The following PLPP7 variants were observed in gnomAD, a reference collection of about 807,000 sequenced individuals.
PLPP7 encodes the protein inactive phospholipid phosphatase 7.
Under a neutral mutation model 16.9 loss-of-function variants are expected in PLPP7, and 11 were observed. The ratio of observed to expected loss-of-function variants is 0.65; its 90% CI spans 0.41 to 1.08. The LOEUF (loss-of-function observed/expected upper bound fraction) is 1.08, where lower values mean the gene tolerates loss of function less well. PLPP7 is among the 50% of genes least tolerant of loss of function. The pLI is 0.00. For synonymous variants in PLPP7, 174 were observed against 175.1 expected, an observed-to-expected ratio of 0.99 and a Z score of 0.05; for missense variants, 358 against 397.1, an observed-to-expected ratio of 0.90 and a Z score of 0.84.
Position 131,292,386 on chromosome 9 carries a change from C to T in PLPP7, c.451+1938C>T, listed in dbSNP as rs113904630. On this transcript the variant is annotated intron_variant, in intron 1 of 1. Coordinates refer to ENST00000372264, the MANE Select transcript of PLPP7 (RefSeq NM_032728.4). ...AAGATGTCATTGGTTGAGTGCTTAC[C>T]GTGTTCCAGGGCTTTGCATAAACCA... is the stretch of plus-strand genomic sequence containing the variant. 2.1e-3 allele frequency among the ~76,000 whole-genome samples: 315 copies of T among 152,280 alleles called. 1 individual carries two copies. The highest frequency in any genetic ancestry group is 7.0e-3 in the African/African-American group (291 of 41,556).
chr9:131,306,523 C>T (rs901651023), intron 1 of PLPP7, among the ~76,000 whole-genome samples: 9 of 151,442 alleles, frequency 5.9e-5, no homozygotes, highest in Non-Finnish European at 1.2e-4. Flanking sequence ...GGCAACAGAA[C>T]GAGACTCCAT....
chr9:131,301,644 C>T (rs1224181917), intron 1 of PLPP7, among the ~76,000 whole-genome samples: 2 of 152,278 alleles, frequency 1.3e-5, no homozygotes, highest in East Asian at 3.9e-4. Context: ...AGGACCAGAG[C>T]CTCCCACAGC....
Position 131,308,360 on chromosome 9 carries a change from G to T in PLPP7, c.*73G>T. ...AGAAGGGGCAGGGGGTGGCGAGGTG[G>T]CGGGCGTGGGTGGAACAGAGCGGCC... On this transcript the variant is annotated 3_prime_UTR_variant, in exon 2 of 2. Transcript: ENST00000372264. The T allele has an allele frequency of 2.7e-6, 4 of 1,482,554 alleles. No individual in the cohort carries two copies. The highest frequency in any genetic ancestry group is 2.7e-6 in the Non-Finnish European group (3 of 1,117,878). The allele number at this position is 1,482,554 out of a possible 1,614,324, so 91.8% of individuals were successfully genotyped here.
In PLPP7 at chr9:131,295,063, T is replaced by C. The variant is rs1405558051; in HGVS notation, c.451+4615T>C. ...CCGGGAGGCGGAGCTTGCAGTGAGCTGAGATCGCACCACTGCACTCCAGCC... is the reference window on the plus strand; with the variant it reads ...CCGGGAGGCGGAGCTTGCAGTGAGCCGAGATCGCACCACTGCACTCCAGCC... On this transcript the variant is annotated intron_variant, in intron 1 of 1. Transcript: ENST00000372264. The surrounding 1 kb of genome is among the most constrained non-coding windows in gnomAD (Gnocchi z 4.0). Among the ~76,000 whole-genome samples the C allele has an allele frequency of 2.7e-5, 4 of 150,314 alleles. No homozygotes were observed. The highest frequency in any genetic ancestry group is 6.6e-5 in the Admixed American group (1 of 15,180).
chr9:131,304,188 T>G (rs1004129606), intron 1 of PLPP7, among the ~76,000 whole-genome samples: 3 of 152,108 alleles, frequency 2.0e-5, no homozygotes, highest in Non-Finnish European at 2.9e-5. Flanking sequence ...ATTGGCGGTC[T>G]GGGTGCCACT....
At chr9:131,297,873 A>T (rs1422340304) in intron 1 of PLPP7, among the ~76,000 whole-genome samples, 1 of 152,158 alleles carries the variant, frequency 6.6e-6, no homozygotes, top group East Asian at 1.9e-4. Context: ...GTTTGCTTAC[A>T]TACATATCTT....
In PLPP7 at chr9:131,308,610, AGTCTT is replaced by A. The variant is rs910804936; in HGVS notation, c.*332_*336del. 5.4e-6 allele frequency: 2 copies of A among 367,930 alleles called. No homozygotes were observed. Among genetic ancestry groups the A allele is most frequent in the African/African-American group, 4.1e-5 (2 of 48,272 alleles). 22.8% of individuals were successfully genotyped at this position (367,930 alleles called of 1,614,324 possible). On this transcript the variant is annotated 3_prime_UTR_variant, in exon 2 of 2. Coordinates refer to ENST00000372264, the MANE Select transcript of PLPP7 (RefSeq NM_032728.4). ...AAAATCAGGATGGTGGGAGGGGCCG[AGTCTT>A]GTCTTGTCCTTTCATCATCATGACT...
At chr9:131,304,304 C>A (rs1210552697) in intron 1 of PLPP7, among the ~76,000 whole-genome samples, 1 of 152,152 alleles carries the variant, frequency 6.6e-6, no homozygotes, top group Non-Finnish European at 1.5e-5. Context: ...GGCAGAGACA[C>A]GATGGAGATC....
At chr9:131,298,892 C>T (rs756901729) in intron 1 of PLPP7, among the ~76,000 whole-genome samples, 18 of 152,300 alleles carry the variant, frequency 1.2e-4, no homozygotes, top group South Asian at 2.1e-4. Flanking sequence ...AGCAGGGCCC[C>T]GGGGACAGCT....
intron 1 of PLPP7, chr9:131,291,123 C>T: frequency 5.9e-6 from 8 of 1,366,572 alleles, no homozygotes; most frequent in Non-Finnish European, 7.8e-6. Flanking sequence ...TAGCACCGCC[C>T]TGTGCCAGGT....
intron 1 of PLPP7, chr9:131,292,725 G>T (rs1240787058): frequency 3.3e-6 from 3 of 906,772 alleles, no homozygotes; most frequent in Non-Finnish European, 4.0e-6. Flanking sequence ...GTGGTAGGAG[G>T]TATGCAAGCA....
chr9:131,306,150 T>A (rs762128909), intron 1 of PLPP7, among the ~76,000 whole-genome samples: 1 of 151,632 alleles, frequency 6.6e-6, no homozygotes, highest in Non-Finnish European at 1.5e-5. Context: ...GGCAGGAGAA[T>A]GGCGTGAACC....
At chr9:131,292,899 A>C in intron 1 of PLPP7, 1 of 985,400 alleles carries the variant, frequency 1.0e-6, no homozygotes, top group Middle Eastern at 5.2e-4. Context: ...CATGGGCACA[A>C]AGCTGTTTGC....
Position 131,289,903 on chromosome 9 carries a change from GC to G in PLPP7, c.-93del. The G allele has an allele frequency of 1.9e-6, 2 of 1,067,014 alleles. No individual in the cohort carries two copies. Among genetic ancestry groups the G allele is most frequent in the Non-Finnish European group, 2.5e-6 (2 of 806,736 alleles). 66.1% of individuals were successfully genotyped at this position (1,067,014 alleles called of 1,614,324 possible). ...CTGCGGCGGAGAAGGCAGGGAGGCA[GC>G]CACGGTGGCGGCTCTGGGGGCAGCT... On this transcript the variant is annotated 5_prime_UTR_variant, in exon 1 of 2. Coordinates refer to ENST00000372264, the MANE Select transcript of PLPP7 (RefSeq NM_032728.4).
chr9:131,304,924 C>T (rs1001085160), intron 1 of PLPP7, among the ~76,000 whole-genome samples: 11 of 152,274 alleles, frequency 7.2e-5, no homozygotes, highest in East Asian at 5.8e-4. Context: ...TCTGGAAGGC[C>T]GGGGCAGGTC....
rs995092721 is a variant in PLPP7 at position 131,289,882 on chromosome 9, G to A, written c.-116G>A. On this transcript the variant is annotated 5_prime_UTR_variant, in exon 1 of 2. Transcript: ENST00000372264. ...TCTCCACACTATATTTAACAGCTGC[G>A]GCGGAGAAGGCAGGGAGGCAGCCAC... 5.6e-5 allele frequency: 43 copies of A among 766,132 alleles called. No individual in the cohort carries two copies. Among genetic ancestry groups the A allele is most frequent in the South Asian group, 3.6e-4 (11 of 30,542 alleles). The allele number at this position is 766,132 out of a possible 1,614,324, so 47.5% of individuals were successfully genotyped here.
At chr9:131,293,071 C>T (rs1362906223) in intron 1 of PLPP7, 2 of 627,696 alleles carry the variant, frequency 3.2e-6, no homozygotes, top group South Asian at 7.1e-5. Context: ...CTGTCGATGA[C>T]CTTTCAAGGT....
intron 1 of PLPP7, among the ~76,000 whole-genome samples, chr9:131,304,400 G>A (rs545610941): frequency 2.0e-4 from 31 of 152,222 alleles, no homozygotes; most frequent in Non-Finnish European, 3.5e-4. Flanking sequence ...TTTGGGAGGC[G>A]GAGGTGGGCA....
chr9:131,290,416 C>T lies in PLPP7; in HGVS notation c.419C>T (p.Ala140Val). Residue 140 changes from alanine (A) to valine (V), a missense_variant, in exon 1 of 2, where the codon GCC becomes GTC. Transcript: ENST00000372264. This position sits in a 1 kb window ranked among gnomAD's most constrained non-coding sequence, Gnocchi z 4.2. ...ILCLVKSSTL[A>V]GQEVLMNLLL... Reference sequence around the variant, plus strand: ...TGCCTGGTGAAGAGCAGCACACTGGCCGGCCAGGAGGTGCTCATGAATCTG... The same window carrying T: ...TGCCTGGTGAAGAGCAGCACACTGGTCGGCCAGGAGGTGCTCATGAATCTG... 1 of 1,560,216 alleles carries T rather than the reference C, an allele frequency of 6.4e-7. No individual in the cohort carries two copies. Among genetic ancestry groups the T allele is most frequent in the Non-Finnish European group, 8.7e-7 (1 of 1,152,978 alleles).
Sources: gnomAD v4.1 joint callset for allele counts (sites outside exome capture counted in the v4.1 genomes callset) on GRCh38, gnomAD v4.1.1 for gene constraint, Gnocchi (gnomAD v3.1) non-coding constraint, MANE v1.5 for transcripts, NCBI Gene and HGNC (gene_info 2026-07-23, HGNC 2026-07-21) for gene names.